Variants in NPAS3 observed in about 807,000 individuals in gnomAD.
NPAS3 encodes the protein neuronal PAS domain-containing protein 3.
A neutral mutation model predicts 73.1 loss-of-function variants in NPAS3; 14 were observed. The ratio of observed to expected loss-of-function variants is 0.19; its 90% CI spans 0.13 to 0.30. The LOEUF is 0.30. Ranked by LOEUF, NPAS3 falls within the 10% of genes least tolerant of loss-of-function variation. The pLI, the probability that NPAS3 is intolerant of heterozygous loss-of-function variation, is 1.00. For missense variants in NPAS3, 1,096 were observed against 1,250.0 expected (o/e 0.88, Z 1.86); for synonymous variants, 620 against 541.5 (o/e 1.14, Z -2.01).
At chr14:33,607,005 G>T (rs967775173) in intron 5 of NPAS3, among the ~76,000 whole-genome samples, 1 of 152,182 alleles carries the variant, frequency 6.6e-6, no homozygotes, top group Admixed American at 6.5e-5. Context: ...GGGAAATGCA[G>T]ATTAAAACTA....
chr14:33,108,972 G>T (rs1296886347), intron 2 of NPAS3, among the ~76,000 whole-genome samples: 1 of 152,052 alleles, frequency 6.6e-6, no homozygotes, highest in Non-Finnish European at 1.5e-5. Flanking sequence ...AACTTATACT[G>T]TTTTTTATGT....
At chr14:33,467,640 C>T (rs2050588334) in intron 4 of NPAS3, among the ~76,000 whole-genome samples, 1 of 152,136 alleles carries the variant, frequency 6.6e-6, no homozygotes, top group Non-Finnish European at 1.5e-5. Context: ...ATTGTCCCTC[C>T]CCCGGCTATT....
At chr14:32,981,151 CT>C (rs2037881014) in intron 1 of NPAS3, among the ~76,000 whole-genome samples, 1 of 152,154 alleles carries the variant, frequency 6.6e-6, no homozygotes, top group African/African-American at 2.4e-5. Context: ...CATGGAGGAG[CT>C]GCTCACTTCA....
chr14:33,546,680 C>G (rs1038707844), intron 4 of NPAS3, among the ~76,000 whole-genome samples: 1 of 152,068 alleles, frequency 6.6e-6, no homozygotes, highest in Non-Finnish European at 1.5e-5. Context: ...ACTAGGGGCC[C>G]CAATATAAAG....
At chr14:33,088,069 C>T (rs754914583) in intron 2 of NPAS3, among the ~76,000 whole-genome samples, 6 of 152,144 alleles carry the variant, frequency 3.9e-5, no homozygotes, top group Non-Finnish European at 7.4e-5. Flanking sequence ...GTTCCAAGAT[C>T]GCGGAATAGG....
At chr14:33,375,496 A>G (rs1015799294) in intron 4 of NPAS3, among the ~76,000 whole-genome samples, 15 of 152,210 alleles carry the variant, frequency 9.9e-5, no homozygotes, top group Admixed American at 7.2e-4. Context: ...AAGTTCACGT[A>G]TGAACAACTC....
chr14:33,347,911 G>T (rs1053854955), intron 3 of NPAS3, among the ~76,000 whole-genome samples: 1 of 151,730 alleles, frequency 6.6e-6, no homozygotes, highest in East Asian at 1.9e-4. Context: ...TGGTTGGTTG[G>T]ATCTGCAGAT....
intron 4 of NPAS3, among the ~76,000 whole-genome samples, chr14:33,382,883 T>C (rs563685625): frequency 3.3e-4 from 50 of 152,148 alleles, no homozygotes; most frequent in African/African-American, 1.1e-3. Flanking sequence ...TTCAGCCCAG[T>C]AGTTTCAAAT....
rs577146500 is a variant in NPAS3 at position 33,107,141 on chromosome 14, T to A, written c.140+51147T>A. Among the ~76,000 whole-genome samples, 404 of 152,274 alleles carry A rather than the reference T, an allele frequency of 2.7e-3. 1 individual carries two copies. The highest frequency in any genetic ancestry group is 9.2e-3 in the African/African-American group (381 of 41,558). ...CCCTTCTCTTGAGCTGAACTCTCTA[T>A]CCTGGGTTCTTGTGACTTCTTTCTT... On this transcript the variant is annotated intron_variant, in intron 2 of 11. Coordinates refer to ENST00000356141, the Ensembl canonical transcript of NPAS3.
chr14:33,550,506 T>G (rs188959989), intron 4 of NPAS3, among the ~76,000 whole-genome samples: 1 of 152,378 alleles, frequency 6.6e-6, no homozygotes, highest in East Asian at 1.9e-4. Context: ...TCTCATGTGT[T>G]ACATAGTCTG....
At chr14:33,259,645 A>G (rs1470736239) in intron 3 of NPAS3, among the ~76,000 whole-genome samples, 2 of 152,188 alleles carry the variant, frequency 1.3e-5, no homozygotes, top group Non-Finnish European at 2.9e-5. Flanking sequence ...ATATTTTAAT[A>G]GATTTTGTTC....
chr14:33,252,113 A>G (rs1467112333), intron 3 of NPAS3, among the ~76,000 whole-genome samples: 1 of 146,908 alleles, frequency 6.8e-6, no homozygotes, highest in African/African-American at 2.5e-5. Flanking sequence ...TTATGTTAGG[A>G]TCCACTTCTG....
intron 3 of NPAS3, among the ~76,000 whole-genome samples, chr14:33,269,956 A>C (rs1159471002): frequency 6.6e-6 from 1 of 152,150 alleles, no homozygotes; most frequent in Non-Finnish European, 1.5e-5. Flanking sequence ...AGCAGAGCCT[A>C]AGATGGGATT....
chr14:32,938,740 A>ACGGGGG (rs1359679892), upstream of NPAS3, among the ~76,000 whole-genome samples: 8 of 148,708 alleles, frequency 5.4e-5, no homozygotes, highest in South Asian at 2.1e-4. Flanking sequence ...GTGACGGGGG[A>ACGGGGG]CGGGGGCGGG....
chr14:33,006,483 GGT>G (rs143777375), intron 1 of NPAS3, among the ~76,000 whole-genome samples: 28 of 152,214 alleles, frequency 1.8e-4, no homozygotes, highest in African/African-American at 6.7e-4. Context: ...CTAATTTTTT[GGT>G]GAGTAATTGG....
intron 9 of NPAS3, among the ~76,000 whole-genome samples, chr14:33,787,613 A>C (rs1430599818): frequency 2.0e-5 from 3 of 151,938 alleles, no homozygotes; most frequent in South Asian, 2.1e-4. Context: ...AAAAAAAAAA[A>C]AAACCTAAAA....
At chr14:33,195,610 CT>C (rs1186751964) in intron 2 of NPAS3, among the ~76,000 whole-genome samples, 2 of 152,172 alleles carry the variant, frequency 1.3e-5, no homozygotes, top group Non-Finnish European at 2.9e-5. Flanking sequence ...GAGCTGTAAC[CT>C]TTGTATAAAC....
chr14:33,694,383 C>T (rs1210847192), intron 6 of NPAS3, among the ~76,000 whole-genome samples: 1 of 152,094 alleles, frequency 6.6e-6, no homozygotes. Flanking sequence ...AATTAAATGA[C>T]AGCCAAAAAG....
intron 2 of NPAS3, among the ~76,000 whole-genome samples, chr14:33,063,985 G>A (rs530706757): frequency 1.3e-5 from 2 of 149,932 alleles, no homozygotes; most frequent in African/African-American, 4.9e-5. Context: ...AGGAACACAC[G>A]CTGAATTATG....
Sources: gnomAD v4.1 joint callset for allele counts (sites outside exome capture counted in the v4.1 genomes callset) on GRCh38, gnomAD v4.1.1 for gene constraint, MANE v1.5 for transcripts, NCBI Gene and HGNC (gene_info 2026-07-23, HGNC 2026-07-21) for gene names.